The following SCAI variants were observed in gnomAD, a reference collection of about 807,000 sequenced individuals.
SCAI encodes the protein protein SCAI.
Under a neutral mutation model 92.2 loss-of-function variants are expected in SCAI, and 24 were observed. The observed-to-expected ratio is 0.26, with a 90% CI of 0.19 to 0.37. The LOEUF (loss-of-function observed/expected upper bound fraction) is 0.37, where lower values mean the gene tolerates loss of function less well. Ranked by LOEUF, SCAI falls within the 10% of genes least tolerant of loss-of-function variation. The pLI, the probability that SCAI is intolerant of heterozygous loss-of-function variation, is 1.00. For missense variants in SCAI, 450 were observed against 736.2 expected (o/e 0.61, Z 4.50); for synonymous variants, 261 against 258.6 (o/e 1.01, Z -0.09).
intron 3 of SCAI, among the ~76,000 whole-genome samples, chr9:125,051,109 G>A (rs532872845): frequency 9.9e-5 from 15 of 152,146 alleles, no homozygotes; most frequent in Middle Eastern, 3.4e-3. Flanking sequence ...TGCAACATCC[G>A]CCTCCCAGCT....
chr9:124,960,181 G>A (rs1398931528), intron 17 of SCAI, among the ~76,000 whole-genome samples: 1 of 152,034 alleles, frequency 6.6e-6, no homozygotes, highest in African/African-American at 2.4e-5. Context: ...CTGTGCAAAG[G>A]CTTGTACAAG....
chr9:125,095,931 T>C (rs908716732), intron 2 of SCAI, among the ~76,000 whole-genome samples: 2 of 152,194 alleles, frequency 1.3e-5, no homozygotes, highest in African/African-American at 4.8e-5. Flanking sequence ...AAAATCTCTG[T>C]AACTTGGGTG....
intron 14 of SCAI, among the ~76,000 whole-genome samples, chr9:124,984,819 C>T (rs1406111402): frequency 6.6e-6 from 1 of 152,028 alleles, no homozygotes; most frequent in Non-Finnish European, 1.5e-5. Flanking sequence ...ACAGCAAAGC[C>T]ATAAAATCAG....
chr9:125,046,258 T>TATATATACATATATATACAC (rs1468200937), intron 3 of SCAI, among the ~76,000 whole-genome samples: 1 of 117,362 alleles, frequency 8.5e-6, no homozygotes, highest in African/African-American at 3.1e-5. Flanking sequence ...TATATACACA[T>TATATATACATATATATACAC]ATATACACAC....
At chr9:124,979,573 T>A (rs1371433281) in intron 14 of SCAI, among the ~76,000 whole-genome samples, 1 of 152,164 alleles carries the variant, frequency 6.6e-6, no homozygotes, top group Non-Finnish European at 1.5e-5. Context: ...CTATTTGTTT[T>A]AGTTTGTATA....
chr9:125,125,675 C>CA (rs1321886345), intron 2 of SCAI, among the ~76,000 whole-genome samples: 2 of 151,352 alleles, frequency 1.3e-5, no homozygotes, highest in South Asian at 2.1e-4. Flanking sequence ...ACAAAAAATA[C>CA]AAAAAAATCA....
chr9:125,031,426 T>C (rs977384192), intron 3 of SCAI, among the ~76,000 whole-genome samples: 1 of 151,168 alleles, frequency 6.6e-6, no homozygotes, highest in Admixed American at 6.6e-5. Context: ...CACGCCCGGC[T>C]AATTTTTTGT....
chr9:124,974,746 AAGCATAATAATAATAATGAC>A (rs1384235484), intron 15 of SCAI, among the ~76,000 whole-genome samples: 2 of 152,260 alleles, frequency 1.3e-5, no homozygotes, highest in Non-Finnish European at 2.9e-5. Flanking sequence ...TATTACAACT[AAGCATAATAATAATAATGAC>A]AGCACATATT....
intron 2 of SCAI, among the ~76,000 whole-genome samples, chr9:125,081,604 G>A (rs1834220263): frequency 1.3e-5 from 2 of 152,224 alleles, no homozygotes; most frequent in East Asian, 1.9e-4. Context: ...ATGTAGTTTT[G>A]CTCTGTTGCC....
chr9:124,990,870 C>T (rs2131615089), intron 14 of SCAI, among the ~76,000 whole-genome samples: 2 of 152,066 alleles, frequency 1.3e-5, no homozygotes, highest in South Asian at 4.2e-4. Context: ...GTTCTCTCAC[C>T]AGGACAGCAC....
At position 125,026,796 on chromosome 9, in the gene SCAI, CAT is replaced by C; in HGVS notation, c.512+14_512+15del. On this transcript the variant is annotated intron_variant, in intron 6 of 17. Coordinates refer to ENST00000336505, the MANE Select transcript of SCAI (RefSeq NM_001144877.3). ...TGTTTTATCCTCATCTTTCTAAAAA[CAT>C]AGCAGATACATACCTGTCCTCTTTA... 8.1e-7 allele frequency: 1 copy of C among 1,227,222 alleles called. No homozygotes were observed. Among genetic ancestry groups the C allele is most frequent in the Non-Finnish European group, 1.2e-6 (1 of 847,828 alleles). The allele number at this position is 1,227,222 out of a possible 1,614,324, so 76.0% of individuals were successfully genotyped here.
intron 2 of SCAI, among the ~76,000 whole-genome samples, chr9:125,116,506 A>G (rs7856303): frequency 0.47 from 71,531 of 151,928 alleles, 17,412 homozygotes; most frequent in East Asian, 0.61. Flanking sequence ...AGGATAGACT[A>G]TAACATGAAA....
Position 125,029,779 on chromosome 9 carries a change from T to G in SCAI, c.231-40A>C, listed in dbSNP as rs370118987. The G allele has an allele frequency of 2.4e-4, 285 of 1,208,134 alleles. 1 individual carries two copies. The Admixed American group carries it at 5.6e-3, about 24-fold the overall frequency. 74.8% of individuals were successfully genotyped at this position (1,208,134 alleles called of 1,614,324 possible). On this transcript the variant is annotated intron_variant, in intron 3 of 17. Coordinates refer to ENST00000336505, the MANE Select transcript of SCAI (RefSeq NM_001144877.3). ...GAGTATGTATTAATATTAAACTTCTTATTCTATTTGGAAATTATGTCTTGT... is the reference window on the plus strand; with the variant it reads ...GAGTATGTATTAATATTAAACTTCTGATTCTATTTGGAAATTATGTCTTGT...
At chr9:125,081,294 T>C (rs1834211717) in intron 2 of SCAI, among the ~76,000 whole-genome samples, 1 of 152,168 alleles carries the variant, frequency 6.6e-6, no homozygotes, top group Non-Finnish European at 1.5e-5. Flanking sequence ...TGGAACTCCA[T>C]AGAGACTTGT....
intron 9 of SCAI, among the ~76,000 whole-genome samples, chr9:125,015,551 GAGAAA>G (rs1230892720): frequency 6.6e-6 from 1 of 152,216 alleles, no homozygotes; most frequent in African/African-American, 2.4e-5. Context: ...AGAGGATGTG[GAGAAA>G]TAGGAACACT....
chr9:125,125,747 C>T (rs540940870), intron 2 of SCAI, among the ~76,000 whole-genome samples: 1 of 150,100 alleles, frequency 6.7e-6, no homozygotes, highest in Non-Finnish European at 1.5e-5. Flanking sequence ...AGGAGAATCA[C>T]TTGAACCTGG....
chr9:125,141,721 G>C (rs541171506), intron 2 of SCAI, among the ~76,000 whole-genome samples: 1 of 152,274 alleles, frequency 6.6e-6, no homozygotes, highest in East Asian at 1.9e-4. Context: ...AAGCTCTGGA[G>C]TCAGACTGTC....
Position 125,020,902 on chromosome 9 carries a change from T to C in SCAI, c.513-133A>G, listed in dbSNP as rs183920430. 14 of 478,800 alleles carry C rather than the reference T, an allele frequency of 2.9e-5. No homozygotes were observed. The East Asian group carries it at 3.2e-4, about 11-fold the overall frequency. The allele number at this position is 478,800 out of a possible 1,614,324, so 29.7% of individuals were successfully genotyped here. On this transcript the variant is annotated intron_variant, in intron 6 of 17. Coordinates refer to ENST00000336505, the MANE Select transcript of SCAI (RefSeq NM_001144877.3). ...TTATAAACATTCCCACATATAAGCA[T>C]ATAGTCTTTTTAAAATATTTCTTAC...
chr9:125,015,512 T>A (rs1486112776), intron 9 of SCAI, among the ~76,000 whole-genome samples: 1 of 152,110 alleles, frequency 6.6e-6, no homozygotes, highest in African/African-American at 2.4e-5. Context: ...AGAATGGCAA[T>A]CATTAAAAAG....
Sources: allele counts gnomAD v4.1 joint callset (sites outside exome capture counted in the v4.1 genomes callset), GRCh38; gene constraint gnomAD v4.1.1; transcripts MANE v1.5; gene names NCBI Gene and HGNC (gene_info 2026-07-23, HGNC 2026-07-21).